ADAMTS17: variants seen among roughly 807,000 people sequenced by gnomAD.
The protein encoded by ADAMTS17 is ADAM metallopeptidase with thrombospondin type 1 motif 17.
Under a neutral mutation model 141.5 loss-of-function variants are expected in ADAMTS17, and 113 were observed. That is an observed-to-expected ratio of 0.80 (90% confidence interval 0.69 to 0.93). The LOEUF is 0.93. Among genes scored for constraint, ADAMTS17 ranks in the 40% least tolerant of loss-of-function variants. The probability of loss-of-function intolerance (pLI) is 0.00; values close to 1 mark genes in which losing one functional copy is unlikely to be tolerated. For missense variants in ADAMTS17, 1,659 were observed against 1,517.9 expected (o/e 1.09, Z -1.54); for synonymous variants, 768 against 630.6 (o/e 1.22, Z -3.27).
intron 12 of ADAMTS17, among the ~76,000 whole-genome samples, chr15:100,130,782 G>GC (rs1319216962): frequency 6.6e-6 from 1 of 152,140 alleles, no homozygotes; most frequent in Non-Finnish European, 1.5e-5. Context: ...TGCTGCAACT[G>GC]CTGACACACA....
intron 15 of ADAMTS17, among the ~76,000 whole-genome samples, chr15:100,094,549 G>A (rs1159770657): frequency 6.6e-6 from 1 of 152,216 alleles, no homozygotes; most frequent in Non-Finnish European, 1.5e-5. Context: ...TTAGTTAGAT[G>A]TGTGGTAGAA....
chr15:100,129,970 G>A (rs112658744), intron 12 of ADAMTS17, among the ~76,000 whole-genome samples: 2 of 152,166 alleles, frequency 1.3e-5, no homozygotes, highest in African/African-American at 4.8e-5. Context: ...AACTATTAAC[G>A]TCAACACAGA....
chr15:100,063,530 T>C (rs1363757185), intron 15 of ADAMTS17: 1 of 549,536 alleles, frequency 1.8e-6, no homozygotes, highest in Non-Finnish European at 3.1e-6. Flanking sequence ...GACAGCACTG[T>C]GTGGTCCCCT....
chr15:100,248,308 C>T (rs893250902), intron 7 of ADAMTS17, among the ~76,000 whole-genome samples: 1 of 152,158 alleles, frequency 6.6e-6, no homozygotes, highest in Non-Finnish European at 1.5e-5. Flanking sequence ...TTTGGAGGCA[C>T]GGGTAGGAGA....
intron 8 of ADAMTS17, among the ~76,000 whole-genome samples, chr15:100,180,485 T>C (rs1441786721): frequency 6.6e-6 from 1 of 152,234 alleles, no homozygotes; most frequent in Non-Finnish European, 1.5e-5. Flanking sequence ...TTGCTCAGGA[T>C]AGCTTTTGCT....
rs1567657295 is a variant in ADAMTS17, at chr15:99,997,387, G to A, written c.2794C>T (p.Gln932Ter). The A allele has an allele frequency of 6.2e-7, 1 of 1,613,760 alleles. No homozygotes were observed. Among genetic ancestry groups the A allele is most frequent in the Admixed American group, 1.7e-5 (1 of 60,026 alleles). The change falls in exon 19 of 22, where the codon CAG becomes TAG. Residue 932 changes from glutamine (Q) to a stop codon, truncating the protein, a stop_gained and splice_region_variant. Transcript: ENST00000268070. LOFTEE classifies it high-confidence loss of function. The surrounding 1 kb of genome is among the most constrained non-coding windows in gnomAD (Gnocchi z 4.7). ...LSIWEASEWS[Q>*]CSASCGKGVW... is the part of the protein sequence containing the mutation. ...TGGTGGCAAGCCCAGGCACCCACCT[G>A]TGACCACTCAGACGCCTCCCAGATG...
At chr15:100,058,105 C>A (rs1248751725) in intron 15 of ADAMTS17, among the ~76,000 whole-genome samples, 1 of 151,858 alleles carries the variant, frequency 6.6e-6, no homozygotes, top group Non-Finnish European at 1.5e-5. Context: ...ACCCCTGCCT[C>A]AAACTCCCTC....
chr15:100,166,747 T>C (rs2039966350), intron 8 of ADAMTS17, among the ~76,000 whole-genome samples: 1 of 152,190 alleles, frequency 6.6e-6, no homozygotes, highest in Admixed American at 6.5e-5. Context: ...AGGTTTCCAA[T>C]CTAGAAGGGA....
chr15:100,168,002 C>T (rs529488151), intron 8 of ADAMTS17, among the ~76,000 whole-genome samples: 69 of 152,146 alleles, frequency 4.5e-4, no homozygotes, highest in South Asian at 4.1e-4. Context: ...CAGAAAGTGG[C>T]GAAGCCGTGT....
intron 6 of ADAMTS17, among the ~76,000 whole-genome samples, chr15:100,259,694 G>A (rs1249371771): frequency 6.6e-6 from 1 of 152,238 alleles, no homozygotes; most frequent in Non-Finnish European, 1.5e-5. Flanking sequence ...GAAGCAGCAA[G>A]TGTTCTCCTA....
intron 18 of ADAMTS17, among the ~76,000 whole-genome samples, chr15:100,033,507 G>T (rs932283143): frequency 6.6e-6 from 1 of 150,772 alleles, no homozygotes; most frequent in Non-Finnish European, 1.5e-5. Flanking sequence ...CTCAGTCTTG[G>T]TTAGATCATG....
chr15:100,202,694 C>A (rs1248728268), intron 7 of ADAMTS17, among the ~76,000 whole-genome samples: 1 of 152,218 alleles, frequency 6.6e-6, no homozygotes, highest in African/African-American at 2.4e-5. Context: ...CTCAGAGATA[C>A]CCCCACCGTC....
chr15:100,141,228 C>T (rs2038634364), intron 10 of ADAMTS17, among the ~76,000 whole-genome samples: 1 of 152,222 alleles, frequency 6.6e-6, no homozygotes, highest in African/African-American at 2.4e-5. Flanking sequence ...CCCTGGAGCG[C>T]TGTGAAAACG....
intron 15 of ADAMTS17, among the ~76,000 whole-genome samples, chr15:100,066,535 G>A (rs1038545342): frequency 6.9e-6 from 1 of 144,178 alleles, no homozygotes; most frequent in African/African-American, 2.6e-5. Flanking sequence ...TTTAGTGTAG[G>A]TCTCTTGGTT....
intron 18 of ADAMTS17, among the ~76,000 whole-genome samples, chr15:100,043,594 T>C (rs1410631718): frequency 6.6e-6 from 1 of 152,210 alleles, no homozygotes; most frequent in Non-Finnish European, 1.5e-5. Context: ...GGGCTATGTC[T>C]GGCCTGCGGG....
chr15:100,219,417 A>T (rs557261635), intron 7 of ADAMTS17, among the ~76,000 whole-genome samples: 2 of 152,232 alleles, frequency 1.3e-5, no homozygotes, highest in African/African-American at 2.4e-5. Flanking sequence ...TCCTAAAAGC[A>T]ATGTTTTTTC....
rs148173208 is a variant in ADAMTS17, at chr15:100,229,166, G to C, written c.1075+24970C>G. On this transcript the variant is annotated intron_variant, in intron 7 of 21. Transcript: ENST00000268070. ...AACAGAGTAGCTCACCACTGACACTGCAGGTGCTGAGGAGCCAGCACAGCT... is the reference window on the plus strand; with the variant it reads ...AACAGAGTAGCTCACCACTGACACTCCAGGTGCTGAGGAGCCAGCACAGCT... Among the ~76,000 whole-genome samples, 1,423 of 152,250 alleles carry C rather than the reference G, an allele frequency of 9.3e-3. 14 individuals carry two copies. The highest frequency in any genetic ancestry group is 0.02 in the Middle Eastern group (6 of 294).
chr15:99,973,602 CAATTACCGT>C lies in ADAMTS17; in HGVS notation c.*791_*799del, dbSNP rs952567865. ...GCCTTAGGAAGCAACCCCATCACCG[CAATTACCGT>C]TTCTTATGTCACAGCACCTTGAAGA... On this transcript the variant is annotated 3_prime_UTR_variant, in exon 22 of 22. Transcript: ENST00000268070. The C allele has an allele frequency of 3.3e-5, 5 of 152,100 alleles. No homozygotes were observed. The highest frequency in any genetic ancestry group is 1.2e-4 in the African/African-American group (5 of 41,344). The allele number at this position is 152,100 out of a possible 1,614,324, so 9.4% of individuals were successfully genotyped here. A position where few individuals can be genotyped will look rare whatever the true frequency, so the allele number is the denominator to read the frequency against.
chr15:100,061,351 G>A (rs888750160), intron 15 of ADAMTS17, among the ~76,000 whole-genome samples: 5 of 152,176 alleles, frequency 3.3e-5, no homozygotes, highest in Admixed American at 1.3e-4. Context: ...AGACCTTGCA[G>A]CCCATTTAGG....
Sources: allele counts gnomAD v4.1 joint callset (sites outside exome capture counted in the v4.1 genomes callset), GRCh38; gene constraint gnomAD v4.1.1; non-coding constraint Gnocchi (gnomAD v3.1); transcripts MANE v1.5; gene names NCBI Gene and HGNC (gene_info 2026-07-23, HGNC 2026-07-21).